The following ICA1L variants were observed in gnomAD, a reference collection of about 807,000 sequenced individuals.
ICA1L encodes the protein islet cell autoantigen 1-like protein.
ICA1L carries 50 observed loss-of-function variants against 61.3 expected under a neutral mutation model. That is an observed-to-expected ratio of 0.82 (90% CI 0.65 to 1.03). The LOEUF (loss-of-function observed/expected upper bound fraction) is 1.03. Ranked by LOEUF, ICA1L falls within the 50% of genes least tolerant of loss-of-function variation. The pLI, the probability that ICA1L is intolerant of heterozygous loss-of-function variation, is 0.00. For synonymous variants in ICA1L, 161 were observed against 191.3 expected (o/e 0.84, Z 1.31); for missense variants, 508 against 556.7 (o/e 0.91, Z 0.88).
intron 12 of ICA1L, among the ~76,000 whole-genome samples, chr2:202,784,317 T>C (rs1304076789): frequency 6.6e-6 from 1 of 152,114 alleles, no homozygotes; most frequent in Non-Finnish European, 1.5e-5. Flanking sequence ...TGGTGGTACA[T>C]GTCTGTAGAC....
In ICA1L at chr2:202,779,627, T is replaced by G; in HGVS notation, c.1355A>C (p.Asp452Ala). 1 of 1,611,096 alleles carries G rather than the reference T, an allele frequency of 6.2e-7. No homozygotes were observed. The highest frequency in any genetic ancestry group is 1.1e-5 in the South Asian group (1 of 90,524). ...AAACAGATTGAACCAGGCTGACATGTCTTGGTTGCCATTGTTGGGGGCTAT... is the reference window on the plus strand; with the variant it reads ...AAACAGATTGAACCAGGCTGACATGGCTTGGTTGCCATTGTTGGGGGCTAT... ...LTRSPNNGNQ[D>A]MSAWFNLFAD... is the part of the protein sequence containing the mutation. The change falls in exon 13 of 13, where the codon GAC (aspartate) becomes GCC (alanine). Residue 452 changes from aspartate to alanine, a missense_variant. Physicochemically the swap from Asp to Ala is moderately radical, Grantham distance 126. Transcript: ENST00000358299.
chr2:202,864,627 A>G (rs969927404), intron 1 of ICA1L, among the ~76,000 whole-genome samples: 249 of 150,392 alleles, frequency 1.7e-3, no homozygotes, highest in Non-Finnish European at 1.9e-3. Flanking sequence ...GTATATATAT[A>G]TGTGTGTGTG....
intron 12 of ICA1L, among the ~76,000 whole-genome samples, chr2:202,785,220 TAAAAAAA>T (rs559242608): frequency 3.3e-5 from 4 of 120,270 alleles, no homozygotes; most frequent in African/African-American, 9.2e-5. Context: ...CTGTCTCAAT[TAAAAAAA>T]AAAAAAAAAA....
intron 9 of ICA1L, among the ~76,000 whole-genome samples, chr2:202,798,599 G>A (rs991348688): frequency 1.1e-4 from 17 of 152,078 alleles, no homozygotes; most frequent in African/African-American, 2.9e-4. Context: ...GTGAAATTTC[G>A]CTATGTGTAT....
chr2:202,821,995 T>C (rs1693716954), intron 3 of ICA1L, among the ~76,000 whole-genome samples: 1 of 152,172 alleles, frequency 6.6e-6, no homozygotes, highest in African/African-American at 2.4e-5. Flanking sequence ...ATTCAAAGTG[T>C]AGGCCATGGA....
rs1423039100 is a variant in ICA1L at position 202,775,213 on chromosome 2, T to C, written c.*4320A>G. The C allele has an allele frequency of 6.6e-6, 1 of 152,250 alleles. No individual in the cohort carries two copies. The highest frequency in any genetic ancestry group is 6.5e-5 in the Admixed American group (1 of 15,286). The allele number at this position is 152,250 out of a possible 1,614,324, so 9.4% of individuals were successfully genotyped here. On this transcript the variant is annotated 3_prime_UTR_variant, in exon 13 of 13. Coordinates refer to ENST00000358299, the MANE Select transcript of ICA1L (RefSeq NM_001288622.3). Reference sequence around the variant, plus strand: ...AAATTAATATTTTAAAGTTCGTTTTTCCTTCCTAATTTCTATATTCCAAAA... The same window carrying C: ...AAATTAATATTTTAAAGTTCGTTTTCCCTTCCTAATTTCTATATTCCAAAA...
intron 11 of ICA1L, among the ~76,000 whole-genome samples, chr2:202,787,464 T>C (rs1692620754): frequency 6.6e-6 from 1 of 152,234 alleles, no homozygotes; most frequent in South Asian, 2.1e-4. Flanking sequence ...TTTAAAGATG[T>C]TACTGTAGCA....
At chr2:202,862,603 G>A (rs1192581587) in intron 1 of ICA1L, among the ~76,000 whole-genome samples, 1 of 152,118 alleles carries the variant, frequency 6.6e-6, no homozygotes, top group African/African-American at 2.4e-5. Flanking sequence ...TTGGGAGGGC[G>A]AGGCGGGTGG....
In ICA1L at chr2:202,851,958, C is replaced by T. The variant is rs564029901; in HGVS notation, c.-8+19661G>A. Among the ~76,000 whole-genome samples, 9 of 152,160 alleles carry T rather than the reference C, an allele frequency of 5.9e-5. No homozygotes were observed. In the South Asian group the frequency reaches 1.9e-3, roughly 32 times the overall value. ...AAGTTTTCTCTCATTCTGTAGGTTG[C>T]CTGTTCATTCTCATGGTAGTTTCTT... On this transcript the variant is annotated intron_variant, in intron 1 of 12. Coordinates refer to ENST00000358299, the MANE Select transcript of ICA1L (RefSeq NM_001288622.3).
At chr2:202,830,882 T>C (rs1242836623) in intron 1 of ICA1L, among the ~76,000 whole-genome samples, 1 of 152,114 alleles carries the variant, frequency 6.6e-6, no homozygotes, top group East Asian at 1.9e-4. Flanking sequence ...GTATGATAGA[T>C]GCAAACTTCT....
intron 10 of ICA1L, among the ~76,000 whole-genome samples, chr2:202,789,657 T>C (rs534458082): frequency 1.8e-3 from 273 of 152,194 alleles, no homozygotes; most frequent in Non-Finnish European, 3.4e-3. Flanking sequence ...AATGAAACTA[T>C]AAAAACAAAA....
rs140861457 is a variant in ICA1L at position 202,840,385 on chromosome 2, A to G, written c.-7-11369T>C. 11 of 492,172 alleles carry G rather than the reference A, an allele frequency of 2.2e-5. No individual in the cohort carries two copies. In the East Asian group the frequency reaches 5.8e-4, roughly 26 times the overall value. 30.5% of individuals were successfully genotyped at this position (492,172 alleles called of 1,614,324 possible). Reference sequence around the variant, plus strand: ...ACACCAGCTTCCCATCGTGGATCTCAATCTTCTTCACAACTATGGCCCTGG... The same window carrying G: ...ACACCAGCTTCCCATCGTGGATCTCGATCTTCTTCACAACTATGGCCCTGG... On this transcript the variant is annotated intron_variant, in intron 1 of 12. Transcript: ENST00000358299.
At chr2:202,792,758 C>G (rs949026384) in intron 10 of ICA1L, among the ~76,000 whole-genome samples, 1 of 151,958 alleles carries the variant, frequency 6.6e-6, no homozygotes, top group Non-Finnish European at 1.5e-5. Context: ...GGGCCAAGAT[C>G]GCGCCACTGC....
intron 1 of ICA1L, among the ~76,000 whole-genome samples, chr2:202,854,798 C>T (rs567286579): frequency 1.6e-4 from 25 of 152,160 alleles, no homozygotes; most frequent in Admixed American, 1.6e-3. Context: ...GAGGCCATGG[C>T]GGGCAGATCA....
chr2:202,862,272 C>CCAAAAAAAAAAAAAAAAA lies in ICA1L; in HGVS notation c.-8+9346_-8+9347insTTTTTTTTTTTTTTTTTG, dbSNP rs1462555700. The stretch of plus-strand genomic sequence containing the variant: ...GCAACACAGTAAGACCTCATTTCTA[C>CCAAAAAAAAAAAAAAAAA]AAAAAAAAAAAAAAAAAAAAAAAAA... On this transcript the variant is annotated intron_variant, in intron 1 of 12. Coordinates refer to ENST00000358299, the MANE Select transcript of ICA1L (RefSeq NM_001288622.3). 4.8e-5 allele frequency among the ~76,000 whole-genome samples: 3 copies of CCAAAAAAAAAAAAAAAAA among 62,978 alleles called. 1 individual carries two copies. Among genetic ancestry groups the CCAAAAAAAAAAAAAAAAA allele is most frequent in the African/African-American group, 2.5e-4 (3 of 12,064 alleles). The allele number at this position is 62,978 out of a possible 152,430, so 41.3% of individuals were successfully genotyped here.
At chr2:202,843,395 A>G (rs1694380154) in intron 1 of ICA1L, among the ~76,000 whole-genome samples, 1 of 152,204 alleles carries the variant, frequency 6.6e-6, no homozygotes, top group South Asian at 2.1e-4. Flanking sequence ...ACAGGGATCC[A>G]TAGCAACCAA....
chr2:202,840,469 G>T, intron 1 of ICA1L: 3 of 508,798 alleles, frequency 5.9e-6, no homozygotes, highest in South Asian at 4.4e-5. Flanking sequence ...TGGAGCCGAG[G>T]CCATAGCTGA....
intron 1 of ICA1L, among the ~76,000 whole-genome samples, chr2:202,867,761 C>T (rs960198876): frequency 6.6e-6 from 1 of 152,194 alleles, no homozygotes; most frequent in African/African-American, 2.4e-5. Flanking sequence ...CTGGAACCTT[C>T]ATACATTGGT....
chr2:202,782,654 A>G (rs1022615674), intron 12 of ICA1L, among the ~76,000 whole-genome samples: 1 of 151,852 alleles, frequency 6.6e-6, no homozygotes, highest in Admixed American at 6.6e-5. Flanking sequence ...TGATCTGCCC[A>G]CCTTGGCCTC....
Sources: gnomAD v4.1 joint callset for allele counts (sites outside exome capture counted in the v4.1 genomes callset) on GRCh38, gnomAD v4.1.1 for gene constraint, MANE v1.5 for transcripts, NCBI Gene and HGNC (gene_info 2026-07-23, HGNC 2026-07-21) for gene names.